The following CHMP2B variants were observed in gnomAD, a reference collection of about 807,000 sequenced individuals.
The protein encoded by CHMP2B is VPS2 homolog B.
CHMP2B carries 22 observed loss-of-function variants against 29.8 expected under a neutral mutation model. The observed-to-expected ratio is 0.74, with a 90% CI of 0.53 to 1.05. CHMP2B has a LOEUF of 1.05. CHMP2B is among the 50% of genes least tolerant of loss of function. The probability of loss-of-function intolerance (pLI) is 0.00; values close to 1 mark genes in which losing one functional copy is unlikely to be tolerated. For missense variants in CHMP2B, 261 were observed against 252.2 expected (o/e 1.03, Z -0.24); for synonymous variants, 78 against 75.8 (o/e 1.03, Z -0.15).
intron 2 of CHMP2B, among the ~76,000 whole-genome samples, chr3:87,242,445 C>T (rs1706135652): frequency 6.6e-6 from 1 of 152,026 alleles, no homozygotes; most frequent in African/African-American, 2.4e-5. Flanking sequence ...AGAGTGTATA[C>T]ATAAGAGTGG....
rs143271883 is a variant in CHMP2B at position 87,247,756 on chromosome 3, T to G, written c.321+1848T>G. Among the ~76,000 whole-genome samples, 463 of 152,308 alleles carry G rather than the reference T, an allele frequency of 3.0e-3. 3 individuals carry two copies. Among genetic ancestry groups the G allele is most frequent in the African/African-American group, 0.011 (443 of 41,582 alleles). Reference sequence around the variant, plus strand: ...CAGAGCACATGAAAGTCGAGTGCTGTGCAAACATACAGTTAGAAGGAATAA... The same window carrying G: ...CAGAGCACATGAAAGTCGAGTGCTGGGCAAACATACAGTTAGAAGGAATAA... On this transcript the variant is annotated intron_variant, in intron 3 of 5. Transcript: ENST00000263780.
chr3:87,234,910 G>T lies in CHMP2B; in HGVS notation c.35-5789G>T, dbSNP rs183544646. On this transcript the variant is annotated intron_variant, in intron 1 of 5. Transcript: ENST00000263780. ...TATTTCAATGTTTCACATTTCCATTGTAGAAAGCTACCTATCATGTTTCAT... is the reference window on the plus strand; with the variant it reads ...TATTTCAATGTTTCACATTTCCATTTTAGAAAGCTACCTATCATGTTTCAT... 7.0e-4 allele frequency among the ~76,000 whole-genome samples: 107 copies of T among 152,288 alleles called. 2 individuals carry two copies. Among genetic ancestry groups the T allele is most frequent in the Non-Finnish European group, 1.5e-5 (1 of 68,012 alleles).
chr3:87,237,919 G>T (rs1706043509), intron 1 of CHMP2B, among the ~76,000 whole-genome samples: 1 of 152,136 alleles, frequency 6.6e-6, no homozygotes, highest in Admixed American at 6.5e-5. Context: ...ATGTGCTATG[G>T]TTTCATATTC....
intron 1 of CHMP2B, 121 bp from the exon 2 acceptor site, chr3:87,240,578 T>C (rs1400447363): frequency 8.3e-6 from 6 of 720,344 alleles, no homozygotes; most frequent in Non-Finnish European, 1.5e-5. Flanking sequence ...ATTACAGGCA[T>C]GAGCCACTGC....
intron 1 of CHMP2B, among the ~76,000 whole-genome samples, chr3:87,240,106 C>G (rs1575965975): frequency 6.6e-6 from 1 of 151,772 alleles, no homozygotes; most frequent in East Asian, 1.9e-4. Flanking sequence ...AAACACTATA[C>G]TAATCAGTTC....
chr3:87,250,030 C>G (rs1428674209), intron 4 of CHMP2B, 53 bp downstream of exon 4: 2 of 1,091,854 alleles, frequency 1.8e-6, no homozygotes, highest in Non-Finnish European at 2.7e-6. Context: ...TTTGAATTAG[C>G]CATTTATTTA....
intron 1 of CHMP2B, 34 bp from the exon 2 acceptor site, chr3:87,240,665 C>T (rs1331674354): frequency 7.2e-6 from 10 of 1,394,310 alleles, no homozygotes; most frequent in Non-Finnish European, 1.0e-5. Flanking sequence ...ATTTTACAAC[C>T]CATAAATTTA....
chr3:87,235,390 T>C (rs1022745124), intron 1 of CHMP2B, among the ~76,000 whole-genome samples: 1 of 152,184 alleles, frequency 6.6e-6, no homozygotes, highest in African/African-American at 2.4e-5. Flanking sequence ...AAAATATGTT[T>C]TACTGTCTTT....
intron 1 of CHMP2B, among the ~76,000 whole-genome samples, chr3:87,235,175 A>C (rs1216001295): frequency 6.6e-6 from 1 of 152,200 alleles, no homozygotes; most frequent in African/African-American, 2.4e-5. Context: ...TAATCTTGGG[A>C]TGGAATCATA....
intron 2 of CHMP2B, among the ~76,000 whole-genome samples, chr3:87,243,346 A>G (rs892570653): frequency 2.0e-5 from 3 of 152,064 alleles, no homozygotes; most frequent in Non-Finnish European, 4.4e-5. Context: ...ACCTGTGTTC[A>G]TAAAACATAC....
chr3:87,229,800 T>A (rs1212709751), intron 1 of CHMP2B, among the ~76,000 whole-genome samples: 16 of 152,154 alleles, frequency 1.1e-4, no homozygotes, highest in Admixed American at 1.0e-3. Context: ...TTTTTCCTGT[T>A]TGGATTGGCT....
intron 3 of CHMP2B, among the ~76,000 whole-genome samples, chr3:87,248,364 A>T (rs1706253648): frequency 6.7e-6 from 1 of 149,894 alleles, no homozygotes; most frequent in African/African-American, 2.4e-5. Context: ...ATTCTTTTTG[A>T]GTGTCTGATT....
chr3:87,231,185 GATATCCAACA>G (rs1705904325), intron 1 of CHMP2B, among the ~76,000 whole-genome samples: 1 of 151,984 alleles, frequency 6.6e-6, no homozygotes, highest in Non-Finnish European at 1.5e-5. Context: ...TTTCAGGCCA[GATATCCAACA>G]ATTTGCTGAA....
At chr3:87,242,399 G>A (rs941033658) in intron 2 of CHMP2B, among the ~76,000 whole-genome samples, 1 of 151,934 alleles carries the variant, frequency 6.6e-6, no homozygotes, top group Admixed American at 6.6e-5. Context: ...TAAGTCTTCT[G>A]TATCATTGCA....
intron 4 of CHMP2B, 64 bp downstream of exon 4, chr3:87,250,041 CTA>C (rs971253494): frequency 2.8e-5 from 27 of 963,346 alleles, no homozygotes; most frequent in Admixed American, 3.9e-5. Flanking sequence ...CATTTATTTA[CTA>C]TGTCTCATAT....
At chr3:87,243,516 G>T (rs1246829976) in intron 2 of CHMP2B, among the ~76,000 whole-genome samples, 1 of 152,020 alleles carries the variant, frequency 6.6e-6, no homozygotes, top group Non-Finnish European at 1.5e-5. Context: ...TGGCCCCATA[G>T]CTTGAGTTGG....
At chr3:87,232,849 C>T (rs1705932556) in intron 1 of CHMP2B, among the ~76,000 whole-genome samples, 1 of 152,148 alleles carries the variant, frequency 6.6e-6, no homozygotes. Context: ...CCAAACAAGA[C>T]TCAAAAGTCT....
intron 2 of CHMP2B, among the ~76,000 whole-genome samples, chr3:87,241,884 T>C (rs1006962709): frequency 3.9e-5 from 6 of 152,160 alleles, no homozygotes; most frequent in African/African-American, 1.4e-4. Flanking sequence ...AAAATTAAAG[T>C]GCTGAAAAAT....
chr3:87,230,049 T>C (rs1705878834), intron 1 of CHMP2B, among the ~76,000 whole-genome samples: 1 of 152,170 alleles, frequency 6.6e-6, no homozygotes, highest in Admixed American at 6.5e-5. Flanking sequence ...TTCTTTTACC[T>C]GTGTAAGGAT....
Sources: gnomAD v4.1 joint callset for allele counts (sites outside exome capture counted in the v4.1 genomes callset) on GRCh38, gnomAD v4.1.1 for gene constraint, MANE v1.5 for transcripts, NCBI Gene and HGNC (gene_info 2026-07-23, HGNC 2026-07-21) for gene names.